The following STX8 variants were observed in gnomAD, a reference collection of about 807,000 sequenced individuals.
STX8 encodes syntaxin 8.
STX8 carries 23 observed loss-of-function variants against 37.5 expected under a neutral mutation model. The ratio of observed to expected loss-of-function variants is 0.61; its 90% confidence interval spans 0.44 to 0.87. The LOEUF (loss-of-function observed/expected upper bound fraction) is 0.87. STX8 is among the 40% of genes least tolerant of loss of function. The pLI, the probability that STX8 is intolerant of heterozygous loss-of-function variation, is 0.00. For synonymous variants in STX8, 115 were observed against 99.1 expected (o/e 1.16, Z -0.95); for missense variants, 313 against 284.7 (o/e 1.10, Z -0.71).
chr17:9,482,350 G>C (rs1906384748), intron 6 of STX8, among the ~76,000 whole-genome samples: 1 of 151,952 alleles, frequency 6.6e-6, no homozygotes, highest in Non-Finnish European at 1.5e-5. Flanking sequence ...TCAGTTTTCA[G>C]ATGCTAGCCA....
intron 6 of STX8, among the ~76,000 whole-genome samples, chr17:9,436,371 C>A (rs926637228): frequency 5.9e-5 from 9 of 151,682 alleles, no homozygotes; most frequent in Non-Finnish European, 1.3e-4. Flanking sequence ...AGTACCCTAC[C>A]TTTGACTTGC....
At position 9,402,106 on chromosome 17, in the gene STX8, A is replaced by G. The variant is rs113233922; in HGVS notation, c.542-23453T>C. Among the ~76,000 whole-genome samples, 1,164 of 150,262 alleles carry G rather than the reference A, an allele frequency of 7.7e-3. 15 individuals are homozygous for G. The highest frequency in any genetic ancestry group is 0.028 in the African/African-American group (1,118 of 40,244). On this transcript the variant is annotated intron_variant, in intron 6 of 7. Coordinates refer to ENST00000306357, the MANE Select transcript of STX8 (RefSeq NM_004853.3). ...AATAGCCCTTGTATTTTGTTTATTT[A>G]TTTATTTATTTATTTATTATTATTT...
At chr17:9,337,355 C>A (rs1910171709) in intron 7 of STX8, among the ~76,000 whole-genome samples, 1 of 151,906 alleles carries the variant, frequency 6.6e-6, no homozygotes, top group Non-Finnish European at 1.5e-5. Context: ...TCCTAGGGAC[C>A]ACTTACTCTC....
chr17:9,283,630 T>C (rs140905839), intron 7 of STX8, among the ~76,000 whole-genome samples: 1 of 152,332 alleles, frequency 6.6e-6, no homozygotes, highest in East Asian at 1.9e-4. Flanking sequence ...CCATGAGAAC[T>C]TGGAATGTGG....
chr17:9,279,765 T>A (rs1907813108), intron 7 of STX8, among the ~76,000 whole-genome samples: 1 of 152,230 alleles, frequency 6.6e-6, no homozygotes, highest in South Asian at 2.1e-4. Flanking sequence ...CATCTGTTTT[T>A]TGGTTTTCCT....
At chr17:9,486,152 C>A (rs1356560657) in intron 6 of STX8, among the ~76,000 whole-genome samples, 1 of 152,134 alleles carries the variant, frequency 6.6e-6, no homozygotes. Context: ...TAACAACACT[C>A]CAGTGGCAAT....
At chr17:9,333,225 G>A (rs1340666339) in intron 7 of STX8, among the ~76,000 whole-genome samples, 1 of 152,114 alleles carries the variant, frequency 6.6e-6, no homozygotes, top group Non-Finnish European at 1.5e-5. Flanking sequence ...TATCCAATAG[G>A]TGGTTTTTCA....
chr17:9,509,872 T>C (rs1904968406), intron 4 of STX8, among the ~76,000 whole-genome samples: 1 of 148,322 alleles, frequency 6.7e-6, no homozygotes, highest in Non-Finnish European at 1.5e-5. Flanking sequence ...CTCAACTATA[T>C]GCTGCATAGA....
At chr17:9,277,622 C>T (rs1330736175) in intron 7 of STX8, among the ~76,000 whole-genome samples, 1 of 152,078 alleles carries the variant, frequency 6.6e-6, no homozygotes, top group Non-Finnish European at 1.5e-5. Flanking sequence ...AAAATGATTA[C>T]AAATCATAGA....
rs780471196 is a variant in STX8 at position 9,378,561 on chromosome 17, C to G, written c.634G>C (p.Ala212Pro). The stretch of plus-strand genomic sequence containing the variant: ...CGTAGCTATCTCTTACCACAAGAGG[C>G]TGACTTTCTGTCCACCATGTTTACC... ...RRVNMVDRKS[A>P]SCGMIMVILL... Residue 212 changes from alanine to proline, a missense_variant, in exon 7 of 8, where the codon GCC becomes CCC. Ala to Pro is a conservative substitution (Grantham distance 27, BLOSUM62 -1). Transcript: ENST00000306357. The G allele has an allele frequency of 1.2e-6, 2 of 1,613,480 alleles. No homozygotes were observed. Among genetic ancestry groups the G allele is most frequent in the Non-Finnish European group, 1.7e-6 (2 of 1,179,502 alleles).
chr17:9,477,054 C>T (rs1206499914), intron 6 of STX8, among the ~76,000 whole-genome samples: 1 of 151,994 alleles, frequency 6.6e-6, no homozygotes, highest in Non-Finnish European at 1.5e-5. Flanking sequence ...GATGGGGTCT[C>T]CCTGTATTTC....
rs149631894 is a variant in STX8, at chr17:9,318,170, G to A, written c.643+60382C>T. On this transcript the variant is annotated intron_variant, in intron 7 of 7. Coordinates refer to ENST00000306357, the MANE Select transcript of STX8 (RefSeq NM_004853.3). ...AAGTTCTAGGGTCCATGTGCACAAC[G>A]TGCAGGTATGTTACATAGGTATTTA... Among the ~76,000 whole-genome samples, 278 of 152,244 alleles carry A rather than the reference G, an allele frequency of 1.8e-3. 3 individuals are homozygous for A. Among genetic ancestry groups the A allele is most frequent in the African/African-American group, 5.7e-3 (238 of 41,558 alleles).
At chr17:9,260,007 C>T (rs2142125324) in intron 7 of STX8, among the ~76,000 whole-genome samples, 1 of 152,060 alleles carries the variant, frequency 6.6e-6, no homozygotes, top group East Asian at 1.9e-4. Flanking sequence ...TGCATGAGCC[C>T]AGGAGTTCAA....
intron 6 of STX8, among the ~76,000 whole-genome samples, chr17:9,403,901 C>T (rs1912714113): frequency 6.6e-6 from 1 of 152,226 alleles, no homozygotes; most frequent in East Asian, 1.9e-4. Flanking sequence ...CCGCCTCGGC[C>T]TCCCAAAGTG....
intron 6 of STX8, among the ~76,000 whole-genome samples, chr17:9,479,379 CA>C (rs1906224010): frequency 6.6e-6 from 1 of 151,760 alleles, no homozygotes; most frequent in African/African-American, 2.4e-5. Flanking sequence ...ACTAAAAATA[CA>C]AAAATTAGCT....
At chr17:9,317,411 C>CGT (rs906264600) in intron 7 of STX8, among the ~76,000 whole-genome samples, 5 of 152,148 alleles carry the variant, frequency 3.3e-5, no homozygotes, top group African/African-American at 1.2e-4. Flanking sequence ...TACACAGACC[C>CGT]TCCCGCTTAC....
At chr17:9,429,711 ATATATTATATATTTTATAT>A (rs1913780007) in intron 6 of STX8, among the ~76,000 whole-genome samples, 2 of 103,354 alleles carry the variant, frequency 1.9e-5, no homozygotes, top group South Asian at 2.7e-4. Flanking sequence ...TCAAAAAAAT[ATATATTATATATTTTATAT>A]TATATTATAT....
At chr17:9,424,208 C>T (rs966333293) in intron 6 of STX8, among the ~76,000 whole-genome samples, 1 of 152,068 alleles carries the variant, frequency 6.6e-6, no homozygotes, top group Admixed American at 6.6e-5. Flanking sequence ...TGAGCCCTGA[C>T]AAGAGAATAA....
intron 7 of STX8, among the ~76,000 whole-genome samples, chr17:9,255,667 AAGG>A (rs1193385140): frequency 6.6e-6 from 1 of 152,188 alleles, no homozygotes; most frequent in Non-Finnish European, 1.5e-5. Context: ...CCAAGATGAA[AAGG>A]AGGATTTTAG....
Sources: gnomAD v4.1 joint callset for allele counts (sites outside exome capture counted in the v4.1 genomes callset) on GRCh38, gnomAD v4.1.1 for gene constraint, MANE v1.5 for transcripts, NCBI Gene and HGNC (gene_info 2026-07-23, HGNC 2026-07-21) for gene names.